Variants in TTLL8 observed in about 807,000 individuals in gnomAD.
The protein encoded by TTLL8 is tubulin tyrosine ligase like 8, also known as protein monoglycylase TTLL8.
A neutral mutation model predicts 77.8 loss-of-function variants in TTLL8; 65 were observed. That is an observed-to-expected ratio of 0.84 (90% CI 0.68 to 1.03). TTLL8 has a LOEUF of 1.03. Among genes scored for constraint, TTLL8 ranks in the 50% least tolerant of loss-of-function variants. The pLI is 0.00. For synonymous variants in TTLL8, 402 were observed against 422.8 expected (o/e 0.95, Z 0.60); for missense variants, 910 against 1,004.5 (o/e 0.91, Z 1.27).
chr22:50,032,232 CCAACCCTCTG>C (rs1423141896), intron 10 of TTLL8, 123 bp from the exon 12 acceptor site: 12 of 1,051,414 alleles, frequency 1.1e-5, no homozygotes, highest in African/African-American at 1.7e-5. Flanking sequence ...CCTGAGGACT[CCAACCCTCTG>C]CTGGAGGGGC....
rs2061213150 is a variant in TTLL8, at chr22:50,022,935, C to G, written c.2204-6373G>C. Reference sequence around the variant, plus strand: ...CAGGGCATGTCCCACATTTTAGCAACAAACCAGAACCAAGAGGTGAATTTA... The same window carrying G: ...CAGGGCATGTCCCACATTTTAGCAAGAAACCAGAACCAAGAGGTGAATTTA... On this transcript the variant is annotated intron_variant, in intron 12 of 13. Transcript: ENST00000266182. Among the ~76,000 whole-genome samples, 3 of 152,252 alleles carry G rather than the reference C, an allele frequency of 2.0e-5. No homozygotes were observed. In the South Asian group the frequency reaches 6.2e-4, roughly 32 times the overall value.
chr22:50,036,849 C>T (rs1013478717), intron 8 of TTLL8, among the ~76,000 whole-genome samples: 3 of 152,158 alleles, frequency 2.0e-5, no homozygotes, highest in Non-Finnish European at 4.4e-5. Context: ...CCCCCCGCCT[C>T]GGCCTCCTTA....
At chr22:50,028,831 T>C (rs58241964) in intron 12 of TTLL8, among the ~76,000 whole-genome samples, 51 of 4,446 alleles carry the variant, frequency 0.011, 3 homozygotes, top group Admixed American at 0.049. Flanking sequence ...CCCATCACGC[T>C]GTCCTAAAGA....
Position 50,045,850 on chromosome 22 carries a change from A to C in TTLL8, c.508+6T>G. ...CACTGGGGCCCTCTGCCGTCTCCTC[A>C]CTTACCCAGGAACTCCTGCTGCTCA... On this transcript the variant is annotated splice_donor_region_variant and intron_variant, in intron 5 of 13. Transcript: ENST00000266182. 1 of 1,340,722 alleles carries C rather than the reference A, an allele frequency of 7.5e-7. No individual in the cohort carries two copies. Among genetic ancestry groups the C allele is most frequent in the Non-Finnish European group, 9.9e-7 (1 of 1,012,032 alleles). The allele number at this position is 1,340,722 out of a possible 1,614,324, so 83.1% of individuals were successfully genotyped here.
At chr22:50,036,094 G>A (rs1162382172) in intron 8 of TTLL8, among the ~76,000 whole-genome samples, 3 of 152,214 alleles carry the variant, frequency 2.0e-5, no homozygotes, top group Non-Finnish European at 2.9e-5. Flanking sequence ...AGATGCTGAC[G>A]GCGAGCAGGG....
intron 9 of TTLL8, among the ~76,000 whole-genome samples, chr22:50,033,664 C>T (rs928033201): frequency 2.0e-5 from 3 of 152,198 alleles, no homozygotes; most frequent in African/African-American, 7.2e-5. Context: ...CAGGCTCTCC[C>T]CCAACAGAAC....
At chr22:50,027,789 G>A in intron 12 of TTLL8, 1 of 985,488 alleles carries the variant, frequency 1.0e-6, no homozygotes, top group Non-Finnish European at 1.2e-6. Context: ...CTAGCCTGAG[G>A]CCGAGGGGCA....
intron 8 of TTLL8, among the ~76,000 whole-genome samples, chr22:50,037,892 C>G (rs1370695318): frequency 6.6e-6 from 1 of 151,906 alleles, no homozygotes; most frequent in African/African-American, 2.4e-5. Context: ...TTCCTCCTGC[C>G]CCCCAACAAA....
At chr22:50,043,990 G>A (rs1011026774) in intron 6 of TTLL8, among the ~76,000 whole-genome samples, 3 of 152,128 alleles carry the variant, frequency 2.0e-5, no homozygotes, top group Non-Finnish European at 4.4e-5. Context: ...CACCATTTGG[G>A]TTACCATGAT....
rs955531673 is a variant in TTLL8 at position 50,045,071 on chromosome 22, G to A, written c.643+184C>T. ...GCTTTACAAACGGGGTGACTTTGAC[G>A]TTTAGCCCCACGGTTAGAACAGAAA... On this transcript the variant is annotated intron_variant, in intron 6 of 13. Transcript: ENST00000266182. 5.5e-5 allele frequency: 27 copies of A among 487,738 alleles called. 1 individual carries two copies. Among genetic ancestry groups the A allele is most frequent in the African/African-American group, 2.1e-5 (1 of 47,926 alleles). 30.2% of individuals were successfully genotyped at this position (487,738 alleles called of 1,614,324 possible).
At chr22:50,040,215 A>G (rs916117446) in intron 8 of TTLL8, among the ~76,000 whole-genome samples, 2 of 149,054 alleles carry the variant, frequency 1.3e-5, no homozygotes, top group Admixed American at 1.3e-4. Context: ...ATGTGTCAGC[A>G]TGGATGGACC....
chr22:50,029,550 C>A (rs1308548120), intron 12 of TTLL8, among the ~76,000 whole-genome samples: 4 of 151,698 alleles, frequency 2.6e-5, no homozygotes, highest in Non-Finnish European at 5.9e-5. Flanking sequence ...ACCATCCTGA[C>A]TAACACGGTG....
chr22:50,033,248 A>G (rs1385839025), exon 10 of TTLL8: 1 of 1,359,364 alleles, frequency 7.4e-7, no homozygotes, highest in Non-Finnish European at 9.8e-7. Context: ...AACCGCAAGT[A>G]ACTCTCCTTG....
chr22:50,034,341 G>A lies in TTLL8; in HGVS notation c.1039+4C>T, dbSNP rs757999612. 11 of 1,363,886 alleles carry A rather than the reference G, an allele frequency of 8.1e-6. No homozygotes were observed. In the East Asian group the frequency reaches 1.8e-4, roughly 23 times the overall value. 84.5% of individuals were successfully genotyped at this position (1,363,886 alleles called of 1,614,324 possible). On this transcript the variant is annotated splice_donor_region_variant and intron_variant, in intron 9 of 13. Coordinates refer to ENST00000266182, the Ensembl canonical transcript of TTLL8. The surrounding 1 kb of genome is among the most constrained non-coding windows in gnomAD (Gnocchi z 4.1). ...TATGAACGCGGTGCAGGGAGCATCC[G>A]CACCAGGGGACTCACCTCGGCCCCG...
At chr22:50,028,761 ATACCCTCGTAAAGACCCCAT>A (rs1312804135) in intron 12 of TTLL8, among the ~76,000 whole-genome samples, 1 of 30,820 alleles carries the variant, frequency 3.2e-5, no homozygotes, top group Non-Finnish European at 6.9e-5. Context: ...AGACCCCCAC[ATACCCTCGTAAAGACCCCAT>A]CACACCGTCC....
At chr22:50,038,511 C>T (rs1235300035) in intron 8 of TTLL8, among the ~76,000 whole-genome samples, 1 of 152,150 alleles carries the variant, frequency 6.6e-6, no homozygotes, top group East Asian at 1.9e-4. Context: ...GATTCTTAAA[C>T]TTTCAAATGA....
chr22:50,052,261 C>T (rs748346119), intron 1 of TTLL8, among the ~76,000 whole-genome samples: 4 of 152,172 alleles, frequency 2.6e-5, no homozygotes, highest in Non-Finnish European at 4.4e-5. Context: ...TGGCACCCTC[C>T]GACTCCACAA....
rs768977828 is a variant in TTLL8, at chr22:50,041,199, G to A, written c.909C>T (p.Ala303=). The change falls in exon 8 of 14, where the codon GCC becomes GCT. Residue 303 remains alanine, a synonymous_variant. Coordinates refer to ENST00000266182, the Ensembl canonical transcript of TTLL8. This position sits in a 1 kb window ranked among gnomAD's most constrained non-coding sequence, Gnocchi z 4.3. ...AGACAAACCCCACCTGCCTGTCTCGGGCTGTGGGGGGCTCAAATGACATCA... is the reference window on the plus strand; with the variant it reads ...AGACAAACCCCACCTGCCTGTCTCGAGCTGTGGGGGGCTCAAATGACATCA... The A allele has an allele frequency of 2.2e-6, 1 of 457,248 alleles. No homozygotes were observed. The highest frequency in any genetic ancestry group is 4.3e-6 in the Non-Finnish European group (1 of 231,890). 28.3% of individuals were successfully genotyped at this position (457,248 alleles called of 1,614,324 possible). A position where few individuals can be genotyped will look rare whatever the true frequency, so the allele number is the denominator to read the frequency against.
At chr22:50,045,752 C>G (rs2061406495) in intron 5 of TTLL8, 104 bp downstream of exon 7, 1 of 1,236,126 alleles carries the variant, frequency 8.1e-7, no homozygotes, top group Non-Finnish European at 1.0e-6. Flanking sequence ...CCCCGGTCCT[C>G]TATCCTCAGA....
Sources: gnomAD v4.1 joint callset for allele counts (sites outside exome capture counted in the v4.1 genomes callset) on GRCh38, gnomAD v4.1.1 for gene constraint, Gnocchi (gnomAD v3.1) non-coding constraint, MANE v1.5 for transcripts, NCBI Gene and HGNC (gene_info 2026-07-23, HGNC 2026-07-21) for gene names.